Variants in UBN1 observed in about 807,000 individuals in gnomAD.
UBN1 encodes the protein ubinuclein-1.
Under a neutral mutation model 108.5 loss-of-function variants are expected in UBN1, and 17 were observed. The ratio of observed to expected loss-of-function variants is 0.16; its 90% CI spans 0.11 to 0.24. The LOEUF (loss-of-function observed/expected upper bound fraction) is 0.24, where lower values mean the gene tolerates loss of function less well. Among genes scored for constraint, UBN1 ranks in the 10% least tolerant of loss-of-function variants. UBN1 has a pLI of 1.00. For synonymous variants in UBN1, 726 were observed against 564.2 expected, an observed-to-expected ratio of 1.29 and a Z score of -4.07; for missense variants, 1,595 against 1,394.4, an observed-to-expected ratio of 1.14 and a Z score of -2.29.
At chr16:4,853,926 A>G (rs2086673031) in intron 2 of UBN1, among the ~76,000 whole-genome samples, 1 of 152,014 alleles carries the variant, frequency 6.6e-6, no homozygotes. Context: ...CACAAAATAT[A>G]TTTATCAGGA....
rs760386957 is a variant in UBN1, at chr16:4,870,295, A to C, written c.1265A>C (p.Lys422Thr). 6.2e-7 allele frequency: 1 copy of C among 1,614,074 alleles called. No individual in the cohort carries two copies. Among genetic ancestry groups the C allele is most frequent in the Non-Finnish European group, 8.5e-7 (1 of 1,180,038 alleles). The change falls in exon 9 of 18, where the codon AAG (lysine) becomes ACG (threonine). Residue 422 changes from lysine to threonine, a missense_variant. Around this residue, in one of 3 missense-constraint regions of UBN1, gnomAD observed 1,398 missense variants for 1,194.7 expected, o/e 1.17. Coordinates refer to ENST00000262376, the MANE Select transcript of UBN1 (RefSeq NM_001079514.3). Reference sequence around the variant, plus strand: ...CTTGCGTCATTCCTGCCCTGCAGCAAGGATGCCCTGCTCAAGCGTGCTCGG... The same window carrying C: ...CTTGCGTCATTCCTGCCCTGCAGCACGGATGCCCTGCTCAAGCGTGCTCGG... Reference protein sequence around the residue: ...AYLASFLPCSKDALLKRARKL... With the variant: ...AYLASFLPCSTDALLKRARKL...
At position 4,877,493 on chromosome 16, in the gene UBN1, G is replaced by T; in HGVS notation, c.3355+19G>T. 1 of 1,604,000 alleles carries T rather than the reference G, an allele frequency of 6.2e-7. No individual in the cohort carries two copies. Among genetic ancestry groups the T allele is most frequent in the African/African-American group, 1.3e-5 (1 of 74,902 alleles). On this transcript the variant is annotated intron_variant, in intron 17 of 17. Coordinates refer to ENST00000262376, the MANE Select transcript of UBN1 (RefSeq NM_001079514.3). This position sits in a 1 kb window ranked among gnomAD's most constrained non-coding sequence, Gnocchi z 4.3. ...CTGCCAGGTAATCACCCGACGGTCA[G>T]TGTGCCACGCGCACCGTGTGCCTTT...
At chr16:4,855,291 G>A in intron 2 of UBN1, among the ~76,000 whole-genome samples, 1 of 152,010 alleles carries the variant, frequency 6.6e-6, no homozygotes, top group East Asian at 1.9e-4. Context: ...TGGTTAGAAG[G>A]ATTAATCTTT....
chr16:4,849,947 C>CATAAAAA (rs1385480336), intron 1 of UBN1, among the ~76,000 whole-genome samples: 2 of 25,376 alleles, frequency 7.9e-5, no homozygotes, highest in African/African-American at 8.3e-4. Context: ...GCAACTGTCT[C>CATAAAAA]ACAAAAAAAA....
intron 1 of UBN1, 28 bp from the exon 2 acceptor site, chr16:4,852,851 A>T (rs2086622504): frequency 1.3e-6 from 2 of 1,536,896 alleles, no homozygotes; most frequent in East Asian, 4.5e-5. Flanking sequence ...TCTTCGTTTG[A>T]CCTGGCCCTT....
At chr16:4,854,957 C>T (rs528508941) in intron 2 of UBN1, among the ~76,000 whole-genome samples, 5 of 151,822 alleles carry the variant, frequency 3.3e-5, no homozygotes, top group East Asian at 3.9e-4. Context: ...CTCCTGACCT[C>T]GTGATCCGCC....
rs202139784 is a variant in UBN1 at position 4,875,132 on chromosome 16, A to G, written c.2722A>G (p.Ile908Val). The change falls in exon 15 of 18, where the codon ATC (isoleucine) becomes GTC (valine). Residue 908 changes from isoleucine (I) to valine (V), a missense_variant. Physicochemically the swap from Ile to Val is conservative, Grantham distance 29. Transcript: ENST00000262376. ...SYKNNPFASS[I>V]SKHGVSSGSS... Reference sequence around the variant, plus strand: ...CAAGAATAATCCCTTTGCCAGCTCAATCTCCAAACATGGGGTTTCTTCTGG... The same window carrying G: ...CAAGAATAATCCCTTTGCCAGCTCAGTCTCCAAACATGGGGTTTCTTCTGG... The G allele has an allele frequency of 1.1e-5, 17 of 1,614,106 alleles. No homozygotes were observed. The highest frequency in any genetic ancestry group is 6.7e-5 in the Admixed American group (4 of 60,016).
At position 4,853,142 on chromosome 16, in the gene UBN1, A is replaced by T; in HGVS notation, c.225A>T (p.Val75=). The change falls in exon 2 of 18, where the codon GTA becomes GTT. Residue 75 remains valine, a synonymous_variant. Coordinates refer to ENST00000262376, the MANE Select transcript of UBN1 (RefSeq NM_001079514.3). The part of the protein sequence containing the change: ...PELVKNIRGK[V]KGLQPGDKKK... ...TGGTGAAGAATATCCGAGGGAAGGT[A>T]AAAGGCCTTCAGCCTGGAGATAAGG... The T allele has an allele frequency of 6.2e-7, 1 of 1,614,202 alleles. No homozygotes were observed. The highest frequency in any genetic ancestry group is 8.5e-7 in the Non-Finnish European group (1 of 1,180,042).
chr16:4,856,208 G>C (rs761367056), intron 2 of UBN1, among the ~76,000 whole-genome samples: 1 of 152,212 alleles, frequency 6.6e-6, no homozygotes, highest in Non-Finnish European at 1.5e-5. Context: ...CCAGTGCTCT[G>C]ATGTCACCTT....
Position 4,859,981 on chromosome 16 carries a change from A to G in UBN1, c.671+13A>G, listed in dbSNP as rs745775159. 3.1e-6 allele frequency: 5 copies of G among 1,613,912 alleles called. No individual in the cohort carries two copies. The highest frequency in any genetic ancestry group is 1.3e-5 in the African/African-American group (1 of 74,934). On this transcript the variant is annotated intron_variant, in intron 6 of 17. Transcript: ENST00000262376. Reference sequence around the variant, plus strand: ...TTTCCAAAGCCGGGTGAGAGGCAGCAGCTTCTTTGCTAGGATAAAGCCTGA... The same window carrying G: ...TTTCCAAAGCCGGGTGAGAGGCAGCGGCTTCTTTGCTAGGATAAAGCCTGA...
At position 4,875,089 on chromosome 16, in the gene UBN1, C is replaced by T. The variant is rs760349023; in HGVS notation, c.2679C>T (p.Ser893=). The part of the protein sequence containing the change: ...LSHPAKPHSV[S]SAGSSYKNNP... Reference sequence around the variant, plus strand: ...ATCCAGCAAAGCCACATTCAGTCAGCTCTGCAGGCTCATCTTACAAGAATA... The same window carrying T: ...ATCCAGCAAAGCCACATTCAGTCAGTTCTGCAGGCTCATCTTACAAGAATA... Residue 893 remains serine, a synonymous_variant, in exon 15 of 18, where the codon AGC becomes AGT. Coordinates refer to ENST00000262376, the MANE Select transcript of UBN1 (RefSeq NM_001079514.3). 1 of 1,614,130 alleles carries T rather than the reference C, an allele frequency of 6.2e-7. No individual in the cohort carries two copies. Among genetic ancestry groups the T allele is most frequent in the African/African-American group, 1.3e-5 (1 of 75,062 alleles).
chr16:4,874,133 C>T, intron 14 of UBN1, 78 bp from the exon 15 acceptor site: 1 of 1,478,842 alleles, frequency 6.8e-7, no homozygotes, highest in Non-Finnish European at 8.9e-7. Context: ...CTCGAGTTCA[C>T]ATGTTTGTAT....
rs1301822121 is a variant in UBN1 at position 4,881,747 on chromosome 16, A to G, written c.*1615A>G. 6.6e-6 allele frequency: 1 copy of G among 152,294 alleles called. No individual in the cohort carries two copies. Among genetic ancestry groups the G allele is most frequent in the African/African-American group, 2.4e-5 (1 of 41,378 alleles). The allele number at this position is 152,294 out of a possible 1,614,324, so 9.4% of individuals were successfully genotyped here. A position where few individuals can be genotyped will look rare whatever the true frequency, so the allele number is the denominator to read the frequency against. The stretch of plus-strand genomic sequence containing the variant: ...AGTGGATTCCTTATCCCTTTGTTAT[A>G]TATATTTTTTGCAACTTGGATTTCC... On this transcript the variant is annotated 3_prime_UTR_variant, in exon 18 of 18. Coordinates refer to ENST00000262376, the MANE Select transcript of UBN1 (RefSeq NM_001079514.3).
chr16:4,880,422 A>G lies in UBN1; in HGVS notation c.*290A>G. 1 of 383,934 alleles carries G rather than the reference A, an allele frequency of 2.6e-6. No homozygotes were observed. Among genetic ancestry groups the G allele is most frequent in the East Asian group, 4.2e-5 (1 of 23,620 alleles). 23.8% of individuals were successfully genotyped at this position (383,934 alleles called of 1,614,324 possible). On this transcript the variant is annotated 3_prime_UTR_variant, in exon 18 of 18. Coordinates refer to ENST00000262376, the MANE Select transcript of UBN1 (RefSeq NM_001079514.3). ...GGGGCTTGCGCTGGGCCGTGGTGGG[A>G]GGCACAGTGTTTACAGGCTCTGGTG...
At position 4,847,531 on chromosome 16, in the gene UBN1, A is replaced by AGGC. The variant is rs879624873; in HGVS notation, c.-705_-703dup. ...GTGACAACGAAGCGCCCGCGGTCTG[A>AGGC]GGCGGCGGCGGCGGCGACGGTGCGA... On this transcript the variant is annotated 5_prime_UTR_variant, in exon 1 of 18. Transcript: ENST00000262376. 74 of 475,486 alleles carry AGGC rather than the reference A, an allele frequency of 1.6e-4. No homozygotes were observed. Among genetic ancestry groups the AGGC allele is most frequent in the African/African-American group, 2.9e-4 (14 of 48,104 alleles). 29.5% of individuals were successfully genotyped at this position (475,486 alleles called of 1,614,324 possible).
rs746737020 is a variant in UBN1, at chr16:4,852,908, G to C, written c.-10G>C. On this transcript the variant is annotated 5_prime_UTR_variant, in exon 2 of 18. Coordinates refer to ENST00000262376, the MANE Select transcript of UBN1 (RefSeq NM_001079514.3). ...CATGCAGTGACACCCGCTAAGACTTGTTGGTAGCCATGTCGGAGCCCCACA... is the reference window on the plus strand; with the variant it reads ...CATGCAGTGACACCCGCTAAGACTTCTTGGTAGCCATGTCGGAGCCCCACA... The C allele has an allele frequency of 6.2e-7, 1 of 1,611,834 alleles. No homozygotes were observed. Among genetic ancestry groups the C allele is most frequent in the Non-Finnish European group, 8.5e-7 (1 of 1,178,310 alleles).
In UBN1 at chr16:4,870,984, C is replaced by T. The variant is rs749019907; in HGVS notation, c.1559+12C>T. 8 of 1,613,744 alleles carry T rather than the reference C, an allele frequency of 5.0e-6. No homozygotes were observed. In the East Asian group the frequency reaches 6.7e-5, roughly 13 times the overall value. ...AATGATGAGATCAGGTGTGCCCACA[C>T]TGGGACTTGGCCTCTTTGGAGGGTT... On this transcript the variant is annotated intron_variant, in intron 11 of 17. Coordinates refer to ENST00000262376, the MANE Select transcript of UBN1 (RefSeq NM_001079514.3).
rs565744352 is a variant in UBN1 at position 4,877,290 on chromosome 16, A to G, written c.3266-95A>G. 6.5e-7 allele frequency: 1 copy of G among 1,533,720 alleles called. No individual in the cohort carries two copies. Among genetic ancestry groups the G allele is most frequent in the South Asian group, 1.2e-5 (1 of 80,772 alleles). ...GGTGTGGTGCCCAGACTGGCCTGGC[A>G]GGTTATCGGGGGCTTTTGGCTGCTG... is the stretch of plus-strand genomic sequence containing the variant. On this transcript the variant is annotated intron_variant, in intron 16 of 17. Transcript: ENST00000262376. The surrounding 1 kb of genome is among the most constrained non-coding windows in gnomAD (Gnocchi z 4.3).
intron 12 of UBN1, among the ~76,000 whole-genome samples, chr16:4,872,670 T>C (rs1051578810): frequency 2.0e-5 from 3 of 152,052 alleles, no homozygotes; most frequent in South Asian, 2.1e-4. Flanking sequence ...GGTTTCACCA[T>C]GTTGGCCAGG....
Sources: allele counts gnomAD v4.1 joint callset (sites outside exome capture counted in the v4.1 genomes callset), GRCh38; gene constraint gnomAD v4.1.1; regional missense constraint gnomAD v4.1.1; non-coding constraint Gnocchi (gnomAD v3.1); transcripts MANE v1.5; gene names NCBI Gene and HGNC (gene_info 2026-07-23, HGNC 2026-07-21).